Variants in GALNT13 observed in about 807,000 individuals in gnomAD.
GALNT13 encodes the protein polypeptide N-acetylgalactosaminyltransferase 13.
GALNT13 carries 28 observed loss-of-function variants against 64.2 expected under a neutral mutation model. That is an observed-to-expected ratio of 0.44 (90% CI 0.32 to 0.60). The LOEUF (loss-of-function observed/expected upper bound fraction) is 0.60, where lower values mean the gene tolerates loss of function less well. Ranked by LOEUF, GALNT13 falls within the 20% of genes least tolerant of loss-of-function variation. The pLI, the probability that GALNT13 is intolerant of heterozygous loss-of-function variation, is 0.05. For missense variants in GALNT13, 577 were observed against 669.8 expected (o/e 0.86, Z 1.53); for synonymous variants, 214 against 224.6 (o/e 0.95, Z 0.42).
the GALNT13 span, among the ~76,000 whole-genome samples, chr2:153,389,104 C>T: frequency 2.0e-5 from 3 of 152,048 alleles, no homozygotes; most frequent in African/African-American, 4.8e-5. Flanking sequence ...CTCTAATCAC[C>T]GCCTACATGC....
the GALNT13 span, among the ~76,000 whole-genome samples, chr2:153,373,448 C>A: frequency 1.3e-5 from 2 of 152,150 alleles, no homozygotes; most frequent in Non-Finnish European, 2.9e-5. Flanking sequence ...GCCTCGCCAT[C>A]TACCCAACCT....
chr2:153,300,403 C>T, the GALNT13 span, among the ~76,000 whole-genome samples: 1 of 152,216 alleles, frequency 6.6e-6, no homozygotes, highest in African/African-American at 2.4e-5. Context: ...TATGTGAGGG[C>T]TGGATGTACA....
the GALNT13 span, among the ~76,000 whole-genome samples, chr2:153,241,801 CCTTATAGAAAGA>C: frequency 1.3e-5 from 2 of 151,856 alleles, no homozygotes; most frequent in Non-Finnish European, 2.9e-5. Flanking sequence ...CCCCTCTCCC[CCTTATAGAAAGA>C]ATTTGTCTTT....
chr2:154,261,916 T>C (rs1198586867), intron 8 of GALNT13, among the ~76,000 whole-genome samples: 4 of 152,104 alleles, frequency 2.6e-5, no homozygotes, highest in Admixed American at 2.0e-4. Flanking sequence ...TAGAAATATT[T>C]AGGGCTTGCA....
chr2:154,356,320 G>A (rs770210839), intron 9 of GALNT13, among the ~76,000 whole-genome samples: 1 of 151,870 alleles, frequency 6.6e-6, no homozygotes, highest in Non-Finnish European at 1.5e-5. Context: ...CTCTAAAATT[G>A]TGTGTTTTCA....
At chr2:153,392,380 C>G in the GALNT13 span, among the ~76,000 whole-genome samples, 1 of 151,626 alleles carries the variant, frequency 6.6e-6, no homozygotes, top group Admixed American at 6.6e-5. Context: ...CCTTAAGACC[C>G]GGGTCATTAT....
intron 2 of GALNT13, among the ~76,000 whole-genome samples, chr2:153,902,496 T>C (rs1688304665): frequency 6.6e-6 from 1 of 152,124 alleles, no homozygotes; most frequent in Non-Finnish European, 1.5e-5. Context: ...CTATTTTTCC[T>C]CAAACTAGGA....
At chr2:153,888,804 C>A (rs1687356795) in intron 1 of GALNT13, among the ~76,000 whole-genome samples, 1 of 151,918 alleles carries the variant, frequency 6.6e-6, no homozygotes, top group Non-Finnish European at 1.5e-5. Flanking sequence ...ATTATTGCAT[C>A]TATCTGCCAA....
chr2:154,219,967 T>C (rs769346267), intron 4 of GALNT13, among the ~76,000 whole-genome samples: 7 of 152,116 alleles, frequency 4.6e-5, no homozygotes, highest in Non-Finnish European at 7.4e-5. Flanking sequence ...ACACATATCA[T>C]ATATATCATA....
In GALNT13 at chr2:154,453,301, A is replaced by G. The variant is rs1348211867; in HGVS notation, c.*2750A>G. The G allele has an allele frequency of 2.6e-5, 4 of 151,956 alleles. No homozygotes were observed. The highest frequency in any genetic ancestry group is 7.3e-5 in the African/African-American group (3 of 41,372). The allele number at this position is 151,956 out of a possible 1,614,324, so 9.4% of individuals were successfully genotyped here. A position where few individuals can be genotyped will look rare whatever the true frequency, so the allele number is the denominator to read the frequency against. ...CCTCCGGTGGCCTTCAAGGTCCTTT[A>G]TGAGTGTTACCCCTCTACACGTCCA... On this transcript the variant is annotated 3_prime_UTR_variant, in exon 13 of 13. Coordinates refer to ENST00000392825, the MANE Select transcript of GALNT13 (RefSeq NM_052917.4).
chr2:154,204,854 A>C (rs994775011), intron 4 of GALNT13, among the ~76,000 whole-genome samples: 1 of 152,206 alleles, frequency 6.6e-6, no homozygotes, highest in African/African-American at 2.4e-5. Flanking sequence ...TTCAAGTGTC[A>C]GTTCTCCCCT....
chr2:153,570,932 A>T, the GALNT13 span, among the ~76,000 whole-genome samples: 2 of 151,158 alleles, frequency 1.3e-5, no homozygotes, highest in African/African-American at 4.8e-5. Flanking sequence ...AGTTTTGGCT[A>T]TTCTGAGACT....
chr2:154,027,511 T>G (rs116059109), intron 3 of GALNT13, among the ~76,000 whole-genome samples: 4,001 of 152,262 alleles, frequency 0.026, 170 homozygotes, highest in Admixed American at 0.12. Flanking sequence ...GAGTCACACT[T>G]CAGACATTAA....
chr2:153,714,542 C>A, the GALNT13 span, among the ~76,000 whole-genome samples: 1 of 152,042 alleles, frequency 6.6e-6, no homozygotes, highest in Non-Finnish European at 1.5e-5. Context: ...TATATCATAG[C>A]CAGAGACCAA....
chr2:154,382,064 A>C (rs1413269026), intron 9 of GALNT13, among the ~76,000 whole-genome samples: 2 of 152,132 alleles, frequency 1.3e-5, no homozygotes, highest in Non-Finnish European at 2.9e-5. Context: ...TTTCCCCTAG[A>C]CAAATGAAAA....
chr2:153,148,277 C>T, the GALNT13 span, among the ~76,000 whole-genome samples: 3 of 151,782 alleles, frequency 2.0e-5, no homozygotes, highest in Non-Finnish European at 4.4e-5. Flanking sequence ...AACAAAGCAC[C>T]TGAGAGAAAG....
At chr2:153,093,241 C>CTTTTTT in the GALNT13 span, among the ~76,000 whole-genome samples, 1 of 139,408 alleles carries the variant, frequency 7.2e-6, no homozygotes, top group Non-Finnish European at 1.5e-5. Flanking sequence ...CTTTTCTTTT[C>CTTTTTT]TTTTTTTTTT....
At chr2:154,289,544 G>A (rs1458436812) in intron 8 of GALNT13, among the ~76,000 whole-genome samples, 1 of 151,686 alleles carries the variant, frequency 6.6e-6, no homozygotes, top group East Asian at 1.9e-4. Flanking sequence ...GATCTCATGA[G>A]ACTTACTCAC....
At chr2:154,043,414 T>TTTTA (rs1558926847) in intron 3 of GALNT13, among the ~76,000 whole-genome samples, 2 of 78,270 alleles carry the variant, frequency 2.6e-5, no homozygotes, top group Admixed American at 1.4e-4. Context: ...ATAAGGACTT[T>TTTTA]TATATATATA....
Sources: allele counts gnomAD v4.1 joint callset (sites outside exome capture counted in the v4.1 genomes callset), GRCh38; gene constraint gnomAD v4.1.1; transcripts MANE v1.5; gene names NCBI Gene and HGNC (gene_info 2026-07-23, HGNC 2026-07-21).